The following GAS7 variants were observed in gnomAD, a reference collection of about 807,000 sequenced individuals.
The protein encoded by GAS7 is growth arrest specific 7.
In GAS7, 28 loss-of-function variants were observed where a neutral mutation model predicts 71.1. That is an observed-to-expected ratio of 0.39 (90% CI 0.29 to 0.54). The LOEUF is 0.54. GAS7 is among the 20% of genes least tolerant of loss of function. The pLI, the probability that GAS7 is intolerant of heterozygous loss-of-function variation, is 0.62. For missense variants in GAS7, 436 were observed against 627.8 expected, an observed-to-expected ratio of 0.69 and a Z score of 3.27; for synonymous variants, 258 against 245.8, an observed-to-expected ratio of 1.05 and a Z score of -0.46.
intron 1 of GAS7, among the ~76,000 whole-genome samples, chr17:10,070,341 C>CTTTTTTTTTTT (rs71365713): frequency 3.8e-5 from 4 of 106,132 alleles, no homozygotes; most frequent in Non-Finnish European, 7.4e-5. Context: ...TCTCTCTCTT[C>CTTTTTTTTTTT]TTTTTTTTTT....
At chr17:10,105,733 G>A (rs111521584) in intron 1 of GAS7, among the ~76,000 whole-genome samples, 5 of 152,142 alleles carry the variant, frequency 3.3e-5, no homozygotes, top group African/African-American at 4.8e-5. Flanking sequence ...TGTAACTGCA[G>A]AGCACGTATC....
intron 2 of GAS7, among the ~76,000 whole-genome samples, chr17:9,991,088 C>T (rs1347667864): frequency 6.6e-6 from 1 of 152,198 alleles, no homozygotes; most frequent in Non-Finnish European, 1.5e-5. Flanking sequence ...TAAGCACTCA[C>T]AGACACTAAG....
rs1048550082 is a variant in GAS7, at chr17:9,926,904, A to C, written c.886-135T>G. The C allele has an allele frequency of 9.0e-6, 8 of 888,232 alleles. No homozygotes were observed. The highest frequency in any genetic ancestry group is 1.3e-5 in the Non-Finnish European group (7 of 552,722). 55.0% of individuals were successfully genotyped at this position (888,232 alleles called of 1,614,324 possible). A position where few individuals can be genotyped will look rare whatever the true frequency, so the allele number is the denominator to read the frequency against. ...AGTCTGGGGTAGCGACCTGGCAGGA[A>C]GGTGAGAGACACCCCCTGACACGTG... On this transcript the variant is annotated intron_variant, in intron 9 of 13. Coordinates refer to ENST00000432992, the MANE Select transcript of GAS7 (RefSeq NM_201433.2). This position sits in a 1 kb window ranked among gnomAD's most constrained non-coding sequence, Gnocchi z 5.0.
rs796382777 is a variant in GAS7 at position 10,103,861 on chromosome 17, C to T, written c.184-83964G>A. Among the ~76,000 whole-genome samples the T allele has an allele frequency of 4.0e-5, 6 of 151,614 alleles. No individual in the cohort carries two copies. The highest frequency in any genetic ancestry group is 1.2e-4 in the African/African-American group (5 of 41,322). On this transcript the variant is annotated intron_variant, in intron 1 of 13. Transcript: ENST00000432992. This position sits in a 1 kb window ranked among gnomAD's most constrained non-coding sequence, Gnocchi z 5.5. ...AAAAAAAAAAAAAAAGAAGCAAACCCATAGAACCCATAGTAGCTGCTCATC... is the reference window on the plus strand; with the variant it reads ...AAAAAAAAAAAAAAAGAAGCAAACCTATAGAACCCATAGTAGCTGCTCATC...
chr17:9,953,108 C>T (rs2069086544), intron 5 of GAS7, among the ~76,000 whole-genome samples: 1 of 151,474 alleles, frequency 6.6e-6, no homozygotes, highest in Non-Finnish European at 1.5e-5. Context: ...TGCCCATCAA[C>T]GATATACTAG....
Position 10,000,009 on chromosome 17 carries a change from C to T in GAS7, c.305-18125G>A, listed in dbSNP as rs563665304. Among the ~76,000 whole-genome samples, 4 of 151,876 alleles carry T rather than the reference C, an allele frequency of 2.6e-5. 1 individual carries two copies. Among genetic ancestry groups the T allele is most frequent in the African/African-American group, 7.3e-5 (3 of 41,218 alleles). On this transcript the variant is annotated intron_variant, in intron 2 of 13. Coordinates refer to ENST00000432992, the MANE Select transcript of GAS7 (RefSeq NM_201433.2). ...AAGGAGCGCTTCTCAAACGTCAGAG[C>T]GCATCAGAATCACTTGAAGGACTGG...
chr17:10,047,522 G>A (rs1323068744), intron 1 of GAS7, among the ~76,000 whole-genome samples: 1 of 152,106 alleles, frequency 6.6e-6, no homozygotes, highest in Non-Finnish European at 1.5e-5. Flanking sequence ...TGCATAAAGA[G>A]GGGAAATATG....
At chr17:10,093,474 C>T (rs891134803) in intron 1 of GAS7, among the ~76,000 whole-genome samples, 1 of 139,294 alleles carries the variant, frequency 7.2e-6, no homozygotes. Flanking sequence ...GAGGCTGAAG[C>T]AGGAGAATCG....
chr17:10,177,253 G>A (rs930715185), intron 1 of GAS7, among the ~76,000 whole-genome samples: 2 of 152,194 alleles, frequency 1.3e-5, no homozygotes, highest in African/African-American at 4.8e-5. Flanking sequence ...GATGAGAAGG[G>A]CCTCTAGACA....
At chr17:10,060,730 G>A (rs187879464) in intron 1 of GAS7, among the ~76,000 whole-genome samples, 57 of 152,276 alleles carry the variant, frequency 3.7e-4, no homozygotes, top group African/African-American at 1.2e-3. Context: ...ATTCTCACAC[G>A]TTGCTCGTGC....
At chr17:10,188,080 T>C (rs1311759689) in intron 1 of GAS7, among the ~76,000 whole-genome samples, 1 of 152,020 alleles carries the variant, frequency 6.6e-6, no homozygotes, top group Non-Finnish European at 1.5e-5. Flanking sequence ...CCATCTCCAC[T>C]AAAAATGGAA....
chr17:10,051,637 G>A (rs1451481011), intron 1 of GAS7, among the ~76,000 whole-genome samples: 1 of 152,134 alleles, frequency 6.6e-6, no homozygotes, highest in Non-Finnish European at 1.5e-5. Flanking sequence ...AAGCTGCTGG[G>A]GTAAATGAAA....
At chr17:10,180,596 G>A (rs2074407266) in intron 1 of GAS7, among the ~76,000 whole-genome samples, 1 of 152,074 alleles carries the variant, frequency 6.6e-6, no homozygotes, top group African/African-American at 2.4e-5. Flanking sequence ...ATAATGGTTT[G>A]CTGCCCTATA....
chr17:10,045,701 A>G (rs2072944087), intron 1 of GAS7, among the ~76,000 whole-genome samples: 1 of 152,168 alleles, frequency 6.6e-6, no homozygotes, highest in African/African-American at 2.4e-5. Flanking sequence ...TATCTCAAAA[A>G]AAATTCCCAA....
At chr17:10,121,048 G>A (rs1293385752) in intron 1 of GAS7, among the ~76,000 whole-genome samples, 1 of 152,256 alleles carries the variant, frequency 6.6e-6, no homozygotes, top group Non-Finnish European at 1.5e-5. Context: ...GGGCTGGGGT[G>A]CAGAAGATTG....
At chr17:9,980,240 G>A (rs535517728) in intron 3 of GAS7, among the ~76,000 whole-genome samples, 5 of 152,222 alleles carry the variant, frequency 3.3e-5, no homozygotes, top group African/African-American at 1.2e-4. Context: ...ATATGCCTAA[G>A]CAATATGCTT....
chr17:10,054,379 C>T (rs2073106578), intron 1 of GAS7, among the ~76,000 whole-genome samples: 1 of 152,024 alleles, frequency 6.6e-6, no homozygotes, highest in Admixed American at 6.6e-5. Flanking sequence ...CATATTGTTG[C>T]CAAGCAGGGC....
rs547102567 is a variant in GAS7 at position 10,165,574 on chromosome 17, T to C, written c.183+32634A>G. Among the ~76,000 whole-genome samples the C allele has an allele frequency of 2.6e-5, 4 of 152,358 alleles. No homozygotes were observed. In the South Asian group the frequency reaches 6.2e-4, roughly 24 times the overall value. On this transcript the variant is annotated intron_variant, in intron 1 of 13. Transcript: ENST00000432992. The stretch of plus-strand genomic sequence containing the variant: ...AGCTTCGTCCAATGGTTGAAAAACA[T>C]TGGCTTTTGCCAAGAGTGTCTTTAA...
intron 9 of GAS7, among the ~76,000 whole-genome samples, chr17:9,931,813 C>T (rs552682170): frequency 2.6e-5 from 4 of 152,322 alleles, no homozygotes; most frequent in African/African-American, 9.6e-5. Flanking sequence ...GCTGTAGCAG[C>T]TCTGTTCCCT....
Sources: allele counts gnomAD v4.1 joint callset (sites outside exome capture counted in the v4.1 genomes callset), GRCh38; gene constraint gnomAD v4.1.1; non-coding constraint Gnocchi (gnomAD v3.1); transcripts MANE v1.5; gene names NCBI Gene and HGNC (gene_info 2026-07-23, HGNC 2026-07-21).